Variants in STPG4 observed in about 807,000 individuals in gnomAD.
The protein encoded by STPG4 is sperm-tail PG-rich repeat containing 4.
STPG4 carries 41 observed loss-of-function variants against 31.5 expected under a neutral mutation model. That is an observed-to-expected ratio of 1.30 (90% CI 1.01 to 1.69). STPG4 has a LOEUF of 1.69. Among genes scored for constraint, STPG4 ranks in the 40% most tolerant of loss-of-function variants. The pLI is 0.00. For missense variants in STPG4, 375 were observed against 293.4 expected (o/e 1.28, Z -2.03); for synonymous variants, 141 against 103.0 (o/e 1.37, Z -2.24).
rs555266411 is a variant in STPG4, at chr2:47,100,851, G to A, written c.520-10477C>T. Among the ~76,000 whole-genome samples the A allele has an allele frequency of 2.0e-3, 301 of 151,506 alleles. 4 individuals are homozygous for A. The highest frequency in any genetic ancestry group is 6.8e-3 in the African/African-American group (280 of 41,094). ...GAACCCACAAGAAGGAAGAAACTCC[G>A]AACACATCCGAACATCAGAAGGAAC... On this transcript the variant is annotated intron_variant, in intron 5 of 6. Coordinates refer to ENST00000445927, the MANE Select transcript of STPG4 (RefSeq NM_001163561.2).
At position 47,089,933 on chromosome 2, in the gene STPG4, T is replaced by C. The variant is rs191843731; in HGVS notation, c.624+337A>G. Among the ~76,000 whole-genome samples, 287 of 152,328 alleles carry C rather than the reference T, an allele frequency of 1.9e-3. 1 individual carries two copies. Among genetic ancestry groups the C allele is most frequent in the African/African-American group, 6.8e-3 (281 of 41,586 alleles). ...ACACACAGAGAACAGCCATTCTGGC[T>C]GGCAGGAGGCAGCCACTGCAGGTAC... On this transcript the variant is annotated intron_variant, in intron 6 of 6. Coordinates refer to ENST00000445927, the MANE Select transcript of STPG4 (RefSeq NM_001163561.2).
intron 5 of STPG4, among the ~76,000 whole-genome samples, chr2:47,095,588 A>G (rs1246579997): frequency 6.6e-6 from 1 of 152,226 alleles, no homozygotes; most frequent in African/African-American, 2.4e-5. Flanking sequence ...CAGCCCTAGC[A>G]CATGAATACA....
At chr2:47,108,862 C>T (rs1416892374) in intron 5 of STPG4, 1 of 152,282 alleles carries the variant, frequency 6.6e-6, no homozygotes, top group East Asian at 1.9e-4. Flanking sequence ...TCAGAGGAGC[C>T]TGCCTTTTCA....
At chr2:47,121,016 G>A (rs6741295) in intron 5 of STPG4, 15,746 of 152,648 alleles carry the variant, frequency 0.1, 907 homozygotes, top group Non-Finnish European at 0.12. Context: ...AGCTGACCTG[G>A]CAGTGTAGAG....
intron 5 of STPG4, among the ~76,000 whole-genome samples, chr2:47,123,132 A>T (rs927489928): frequency 1.3e-5 from 2 of 152,030 alleles, no homozygotes; most frequent in Non-Finnish European, 2.9e-5. Context: ...AGCCAATTTT[A>T]TATTTTCTTA....
At chr2:47,087,345 G>A (rs1340520671) in intron 6 of STPG4, among the ~76,000 whole-genome samples, 1 of 152,246 alleles carries the variant, frequency 6.6e-6, no homozygotes, top group African/African-American at 2.4e-5. Context: ...TGAGGCTGGA[G>A]GGGGGCTAAC....
chr2:47,096,737 T>G (rs1221943642), intron 5 of STPG4, among the ~76,000 whole-genome samples: 3 of 152,204 alleles, frequency 2.0e-5, no homozygotes, highest in Non-Finnish European at 4.4e-5. Context: ...AGGCCAGAGA[T>G]TCTGGCAGAT....
At chr2:47,107,378 C>T (rs978184999) in intron 5 of STPG4, among the ~76,000 whole-genome samples, 2 of 152,184 alleles carry the variant, frequency 1.3e-5, no homozygotes, top group South Asian at 2.1e-4. Flanking sequence ...CTCGGAGCAG[C>T]TGGCCGGCCC....
At chr2:47,150,607 C>T (rs1395341825) in intron 3 of STPG4, among the ~76,000 whole-genome samples, 4 of 151,706 alleles carry the variant, frequency 2.6e-5, no homozygotes, top group Non-Finnish European at 5.9e-5. Flanking sequence ...CCTCAAACTC[C>T]CAGGCTCAAG....
intron 5 of STPG4, among the ~76,000 whole-genome samples, chr2:47,128,683 A>C (rs1264440459): frequency 6.6e-6 from 1 of 152,070 alleles, no homozygotes; most frequent in Non-Finnish European, 1.5e-5. Flanking sequence ...CCTTCAGGGC[A>C]GTGGGCTCCC....
chr2:47,097,263 C>T lies in STPG4; in HGVS notation c.520-6889G>A, dbSNP rs1282583436. ...TATGAGATATGACTCAATCTTACTC[C>T]ATAGTAACCAACTTGAATTTGCTAA... On this transcript the variant is annotated intron_variant, in intron 5 of 6. Transcript: ENST00000445927. 4.6e-5 allele frequency among the ~76,000 whole-genome samples: 7 copies of T among 152,106 alleles called. No homozygotes were observed. In the East Asian group the frequency reaches 1.3e-3, roughly 29 times the overall value.
At chr2:47,142,191 A>G (rs1488026564) in intron 3 of STPG4, among the ~76,000 whole-genome samples, 1 of 151,908 alleles carries the variant, frequency 6.6e-6, no homozygotes, top group Non-Finnish European at 1.5e-5. Context: ...TCAAGGATGT[A>G]TTTTGAACAT....
chr2:47,146,391 G>T (rs1194621093), intron 3 of STPG4, among the ~76,000 whole-genome samples: 3 of 152,024 alleles, frequency 2.0e-5, no homozygotes, highest in African/African-American at 7.3e-5. Context: ...CGTCAGCAGT[G>T]CCAAGCTTGA....
chr2:47,131,589 A>G (rs1686485235), intron 3 of STPG4, among the ~76,000 whole-genome samples: 1 of 152,332 alleles, frequency 6.6e-6, no homozygotes, highest in South Asian at 2.1e-4. Context: ...CAATCCTAAC[A>G]TAAACCACTG....
Position 47,155,283 on chromosome 2 carries a change from AGCTCCGGTTGCTAGGAGGC to A in STPG4, c.-51_-33del. On this transcript the variant is annotated 5_prime_UTR_variant, in exon 1 of 7. Coordinates refer to ENST00000445927, the MANE Select transcript of STPG4 (RefSeq NM_001163561.2). ...CTCCTCTCTCTCTAGGCTGAACCTGAGCTCCGGTTGCTAGGAGGCGGGTGTGGCCCGTGGGCTCCCGAGC... is the reference window on the plus strand; with the variant it reads ...CTCCTCTCTCTCTAGGCTGAACCTGAGGGTGTGGCCCGTGGGCTCCCGAGC... 1 of 1,611,768 alleles carries A rather than the reference AGCTCCGGTTGCTAGGAGGC, an allele frequency of 6.2e-7. No individual in the cohort carries two copies. Among genetic ancestry groups the A allele is most frequent in the Middle Eastern group, 1.7e-4 (1 of 6,056 alleles).
At chr2:47,099,562 G>A (rs1190866244) in intron 5 of STPG4, among the ~76,000 whole-genome samples, 5 of 152,282 alleles carry the variant, frequency 3.3e-5, no homozygotes, top group African/African-American at 9.6e-5. Context: ...AGAGGTGACA[G>A]CGTGCTGGCA....
intron 3 of STPG4, among the ~76,000 whole-genome samples, chr2:47,138,696 C>A (rs192299773): frequency 6.6e-6 from 1 of 152,264 alleles, no homozygotes; most frequent in East Asian, 1.9e-4. Context: ...ATTACAGGAA[C>A]GTGCCACCAC....
chr2:47,145,200 T>A (rs1161194974), intron 3 of STPG4, among the ~76,000 whole-genome samples: 1 of 152,194 alleles, frequency 6.6e-6, no homozygotes, highest in Non-Finnish European at 1.5e-5. Flanking sequence ...TTAAAGGAAC[T>A]TCAGAGCCCT....
At chr2:47,090,962 A>G (rs910946939) in intron 5 of STPG4, among the ~76,000 whole-genome samples, 1 of 152,232 alleles carries the variant, frequency 6.6e-6, no homozygotes, top group Non-Finnish European at 1.5e-5. Flanking sequence ...CAAACGTTCA[A>G]TGAGCAAACT....
Sources: gnomAD v4.1 joint callset for allele counts (sites outside exome capture counted in the v4.1 genomes callset) on GRCh38, gnomAD v4.1.1 for gene constraint, MANE v1.5 for transcripts, NCBI Gene and HGNC (gene_info 2026-07-23, HGNC 2026-07-21) for gene names.